The following SLC9A1 variants were observed in gnomAD, a reference collection of about 807,000 sequenced individuals.
The protein encoded by SLC9A1 is solute carrier family 9 member A1, also known as sodium/hydrogen exchanger 1.
SLC9A1 carries 22 observed loss-of-function variants against 67.9 expected under a neutral mutation model. That is an observed-to-expected ratio of 0.32 (90% CI 0.23 to 0.46). The LOEUF (loss-of-function observed/expected upper bound fraction) is 0.46. SLC9A1 is among the 20% of genes least tolerant of loss of function. The probability of loss-of-function intolerance (pLI) is 1.00; values close to 1 mark genes in which losing one functional copy is unlikely to be tolerated. For missense variants in SLC9A1, 686 were observed against 1,094.8 expected, an observed-to-expected ratio of 0.63 and a Z score of 5.27; for synonymous variants, 421 against 471.8, an observed-to-expected ratio of 0.89 and a Z score of 1.40.
Position 27,101,123 on chromosome 1 carries a change from G to T in SLC9A1, c.2110+80C>A. On this transcript the variant is annotated intron_variant, in intron 11 of 11. Coordinates refer to ENST00000263980, the MANE Select transcript of SLC9A1 (RefSeq NM_003047.5). The surrounding 1 kb of genome is among the most constrained non-coding windows in gnomAD (Gnocchi z 4.9). ...CCAGGCCTGTCCTCCCAGTGGCTGA[G>T]GACTGTTCCTGTGGAGCCCCATCCT... 1 of 1,117,700 alleles carries T rather than the reference G, an allele frequency of 8.9e-7. No homozygotes were observed. Among genetic ancestry groups the T allele is most frequent in the Non-Finnish European group, 1.3e-6 (1 of 756,078 alleles). The allele number at this position is 1,117,700 out of a possible 1,614,324, so 69.2% of individuals were successfully genotyped here.
Position 27,108,209 on chromosome 1 carries a change from G to C in SLC9A1, c.1065-344C>G, listed in dbSNP as rs186687908. ...GCCTCCCGAGTGGCTGGGAATACAG[G>C]TGCCCGCCACCACGCCTGGCTAATT... On this transcript the variant is annotated intron_variant, in intron 3 of 11. Transcript: ENST00000263980. Among the ~76,000 whole-genome samples the C allele has an allele frequency of 5.8e-3, 880 of 151,684 alleles. 11 individuals are homozygous for C. The highest frequency in any genetic ancestry group is 0.02 in the African/African-American group (826 of 41,480).
At chr1:27,143,123 T>A (rs2083462687) in intron 1 of SLC9A1, among the ~76,000 whole-genome samples, 1 of 150,766 alleles carries the variant, frequency 6.6e-6, no homozygotes, top group African/African-American at 2.4e-5. Context: ...TATACAACTG[T>A]CTGCAGACTA....
intron 1 of SLC9A1, among the ~76,000 whole-genome samples, chr1:27,140,945 C>T (rs928437905): frequency 3.9e-5 from 6 of 152,156 alleles, no homozygotes; most frequent in East Asian, 1.9e-4. Flanking sequence ...CGGCAGCTCA[C>T]GCCTGTAATC....
chr1:27,152,070 G>C (rs769836575), intron 1 of SLC9A1, among the ~76,000 whole-genome samples: 1 of 152,186 alleles, frequency 6.6e-6, no homozygotes, highest in Non-Finnish European at 1.5e-5. Flanking sequence ...AAGGACAGAG[G>C]GAGGTAGGAA....
intron 8 of SLC9A1, 91 bp from the exon 9 acceptor site, chr1:27,102,221 A>C (rs896107378): frequency 1.3e-5 from 18 of 1,354,378 alleles, no homozygotes; most frequent in Non-Finnish European, 1.9e-5. Context: ...CCTAGGGATG[A>C]CCCAGGTGGG....
chr1:27,150,681 G>A (rs1216540094), intron 1 of SLC9A1, among the ~76,000 whole-genome samples: 1 of 152,158 alleles, frequency 6.6e-6, no homozygotes, highest in Non-Finnish European at 1.5e-5. Flanking sequence ...AAGGTCCAGA[G>A]AGGGAAGGTG....
In SLC9A1 at chr1:27,109,917, T is replaced by A; in HGVS notation, c.814-140A>T. On this transcript the variant is annotated intron_variant, in intron 2 of 11. Coordinates refer to ENST00000263980, the MANE Select transcript of SLC9A1 (RefSeq NM_003047.5). This position sits in a 1 kb window ranked among gnomAD's most constrained non-coding sequence, Gnocchi z 5.5. ...CCACACGGTAGCAGAGAAACCCTAG[T>A]GCCAAGCAGGTGCTCAAAACCTCAG... 2 of 999,832 alleles carry A rather than the reference T, an allele frequency of 2.0e-6. No homozygotes were observed. The highest frequency in any genetic ancestry group is 2.5e-5 in the East Asian group (1 of 40,558). 61.9% of individuals were successfully genotyped at this position (999,832 alleles called of 1,614,324 possible).
rs2124138789 is a variant in SLC9A1 at position 27,106,812 on chromosome 1, A to AG, written c.1283-726dup. 6.6e-6 allele frequency among the ~76,000 whole-genome samples: 1 copy of AG among 152,148 alleles called. No homozygotes were observed. The highest frequency in any genetic ancestry group is 2.1e-4 in the South Asian group (1 of 4,830). On this transcript the variant is annotated intron_variant, in intron 4 of 11. Coordinates refer to ENST00000263980, the MANE Select transcript of SLC9A1 (RefSeq NM_003047.5). The surrounding 1 kb of genome is among the most constrained non-coding windows in gnomAD (Gnocchi z 4.3). ...ATGCTCACGTCACCTGTCTTGAGAC[A>AG]GTGCAGAGAGCACTCAGCTCAGAGT...
intron 1 of SLC9A1, among the ~76,000 whole-genome samples, chr1:27,125,207 CTCTT>C (rs1485324034): frequency 6.9e-6 from 1 of 144,900 alleles, no homozygotes; most frequent in Non-Finnish European, 1.5e-5. Context: ...CAATCAGTCT[CTCTT>C]CTCTTTTCCT....
In SLC9A1 at chr1:27,143,046, TAAAA is replaced by T. The variant is rs55970751; in HGVS notation, c.352+10933_352+10936del. On this transcript the variant is annotated intron_variant, in intron 1 of 11. Transcript: ENST00000263980. ...GCTTACACACTGACAATCAACTGTG[TAAAA>T]AAAAAAAAAAAAAAAAAAAATCTGA... Among the ~76,000 whole-genome samples, 131 of 98,418 alleles carry T rather than the reference TAAAA, an allele frequency of 1.3e-3. 1 individual carries two copies. The highest frequency in any genetic ancestry group is 4.9e-3 in the African/African-American group (121 of 24,748). The allele number at this position is 98,418 out of a possible 152,430, so 64.6% of individuals were successfully genotyped here. A position where few individuals can be genotyped will look rare whatever the true frequency, so the allele number is the denominator to read the frequency against.
intron 4 of SLC9A1, among the ~76,000 whole-genome samples, chr1:27,107,217 C>T (rs2083192942): frequency 6.2e-5 from 2 of 32,268 alleles, no homozygotes; most frequent in African/African-American, 2.1e-4. Context: ...CACCCAGCCC[C>T]TCTACACACA....
intron 1 of SLC9A1, among the ~76,000 whole-genome samples, chr1:27,123,794 A>G (rs981679246): frequency 6.6e-6 from 1 of 151,688 alleles, no homozygotes; most frequent in African/African-American, 2.4e-5. Flanking sequence ...TACAGGCGTG[A>G]GCCACCGCGC....
Position 27,107,762 on chromosome 1 carries a change from T to C in SLC9A1, c.1168A>G (p.Ser390Gly), listed in dbSNP as rs1351871221. 1 of 1,602,540 alleles carries C rather than the reference T, an allele frequency of 6.2e-7. No homozygotes were observed. The highest frequency in any genetic ancestry group is 1.7e-5 in the Admixed American group (1 of 58,176). ...AGGAAGATGAAGATGAGGGTCTCGCTGACGCTGCTCCACATCTTCAGGAAG... is the reference window on the plus strand; with the variant it reads ...AGGAAGATGAAGATGAGGGTCTCGCCGACGCTGCTCCACATCTTCAGGAAG... ...KYFLKMWSSV[S>G]ETLIFIFLGV... is the part of the protein sequence containing the mutation. Residue 390 changes from serine (S) to glycine (G), a missense_variant, in exon 4 of 12, where the codon AGC (serine) becomes GGC (glycine). Physicochemically the swap from Ser to Gly is moderately conservative, Grantham distance 56. Coordinates refer to ENST00000263980, the MANE Select transcript of SLC9A1 (RefSeq NM_003047.5).
Position 27,100,203 on chromosome 1 carries a change from G to T in SLC9A1, c.*104C>A. ...CCCAGCTGCCATGCGGTAGGGGGAGGGGCAGGGCCAATCCGGGTCAGGAAG... is the reference window on the plus strand; with the variant it reads ...CCCAGCTGCCATGCGGTAGGGGGAGTGGCAGGGCCAATCCGGGTCAGGAAG... On this transcript the variant is annotated 3_prime_UTR_variant, in exon 12 of 12. Transcript: ENST00000263980. The surrounding 1 kb of genome is among the most constrained non-coding windows in gnomAD (Gnocchi z 5.6). The T allele has an allele frequency of 1.2e-6, 1 of 808,516 alleles. No homozygotes were observed. Among genetic ancestry groups the T allele is most frequent in the Non-Finnish European group, 1.9e-6 (1 of 537,420 alleles). The allele number at this position is 808,516 out of a possible 1,614,324, so 50.1% of individuals were successfully genotyped here. A position where few individuals can be genotyped will look rare whatever the true frequency, so the allele number is the denominator to read the frequency against.
At chr1:27,125,990 C>T (rs980212911) in intron 1 of SLC9A1, among the ~76,000 whole-genome samples, 4 of 152,152 alleles carry the variant, frequency 2.6e-5, no homozygotes, top group African/African-American at 9.7e-5. Context: ...ACTCACTGTC[C>T]CCTAGCTCTA....
chr1:27,120,401 C>G (rs969313921), intron 1 of SLC9A1, among the ~76,000 whole-genome samples: 1 of 151,064 alleles, frequency 6.6e-6, no homozygotes, highest in African/African-American at 2.4e-5. Flanking sequence ...GCTGAGATTA[C>G]AGGCGTGAGC....
intron 4 of SLC9A1, among the ~76,000 whole-genome samples, chr1:27,107,099 CCACA>C (rs141172880): frequency 7.2e-6 from 1 of 137,966 alleles, no homozygotes; most frequent in Middle Eastern, 4.1e-3. Context: ...CCCAGCCCCT[CCACA>C]CACACACACA....
chr1:27,107,609 ACAC>A, intron 4 of SLC9A1, 36 bp downstream of exon 4: 2 of 1,324,188 alleles, frequency 1.5e-6, no homozygotes, highest in South Asian at 1.3e-5. Flanking sequence ...CACACACCCC[ACAC>A]CACAACCCCC....
At chr1:27,149,255 G>T (rs2083510893) in intron 1 of SLC9A1, among the ~76,000 whole-genome samples, 1 of 152,184 alleles carries the variant, frequency 6.6e-6, no homozygotes, top group Admixed American at 6.5e-5. Context: ...AGAGGCAGGA[G>T]ATGCAGCTGC....
Sources: allele counts gnomAD v4.1 joint callset (sites outside exome capture counted in the v4.1 genomes callset), GRCh38; gene constraint gnomAD v4.1.1; non-coding constraint Gnocchi (gnomAD v3.1); transcripts MANE v1.5; gene names NCBI Gene and HGNC (gene_info 2026-07-23, HGNC 2026-07-21).